STAG2: variants seen among roughly 807,000 people sequenced by gnomAD.
STAG2 encodes STAG2 cohesin complex component.
In STAG2, 14 loss-of-function variants were observed where a neutral mutation model predicts 108.1. That is an observed-to-expected ratio of 0.13 (90% CI 0.09 to 0.20). The LOEUF (loss-of-function observed/expected upper bound fraction) is 0.20, where lower values mean the gene tolerates loss of function less well. Among genes scored for constraint, STAG2 ranks in the 10% least tolerant of loss-of-function variants. The probability of loss-of-function intolerance (pLI) is 1.00; values close to 1 mark genes in which losing one functional copy is unlikely to be tolerated. For missense variants in STAG2, 440 were observed against 940.9 expected, an observed-to-expected ratio of 0.47 and a Z score of 6.96; for synonymous variants, 307 against 302.7, an observed-to-expected ratio of 1.01 and a Z score of -0.15.
intron 24 of STAG2, among the ~76,000 whole-genome samples, chrX:124,069,171 T>C (rs778891699): frequency 1.2e-4 from 14 of 112,014 alleles, no homozygotes; most frequent in Non-Finnish European, 2.1e-4. Flanking sequence ...ACTTCTAACC[T>C]TTTCAGTTCT....
At position 123,986,137 on chromosome X, in the gene STAG2, CAT is replaced by C. The variant is rs35631912; in HGVS notation, c.-163+24286_-163+24287del. 7.5e-3 allele frequency among the ~76,000 whole-genome samples: 779 copies of C among 103,804 alleles called. 7 individuals are homozygous for C. The highest frequency in any genetic ancestry group is 0.025 in the African/African-American group (725 of 28,625). 90.1% of individuals were successfully genotyped at this position (103,804 alleles called of 115,157 possible). On this transcript the variant is annotated intron_variant, in intron 1 of 34. Transcript: ENST00000371145. The stretch of plus-strand genomic sequence containing the variant: ...TGTATCTATATATACATATATGTAT[CAT>C]ATATGTATATATGATATATATGATA...
rs2148180933 is a variant in STAG2, at chrX:124,045,337, C to G, written c.636C>G (p.Val212=). The change falls in exon 8 of 35, where the codon GTC becomes GTG. Residue 212 remains valine (V), a synonymous_variant. Transcript: ENST00000371145. ...TTACAGGATTGTCTGACTCACAAGT[C>G]AGAGCATTTCGACATACAAGCACCC... ...SLLTGLSDSQ[V]RAFRHTSTLA... The G allele has an allele frequency of 8.3e-7, 1 of 1,208,804 alleles. No individual in the cohort carries two copies. Among genetic ancestry groups the G allele is most frequent in the Middle Eastern group, 2.5e-4 (1 of 4,000 alleles).
chrX:124,091,534 C>T lies in STAG2; in HGVS notation c.3578+570C>T, dbSNP rs915818128. On this transcript the variant is annotated intron_variant, in intron 32 of 34. Coordinates refer to ENST00000371145, the MANE Select transcript of STAG2 (RefSeq NM_001042750.2). ...CATGCAAGATGTTTCAAAATATGGC[C>T]CCTGCCACGTTTTAGTATCATTTCC... is the stretch of plus-strand genomic sequence containing the variant. 7.1e-5 allele frequency among the ~76,000 whole-genome samples: 8 copies of T among 112,423 alleles called. No homozygotes were observed. In the East Asian group the frequency reaches 2.2e-3, roughly 31 times the overall value.
chrX:124,056,228 T>C lies in STAG2; in HGVS notation c.1297T>C (p.Tyr433His), dbSNP rs1288649524. ...PVAVAAGEFLYKKLFSRRDPE... is the reference protein window; with the variant it reads ...PVAVAAGEFLHKKLFSRRDPE... ...AGCAGTAGCAGCTGGAGAATTTCTC[T>C]ACAAAAAGTAAATCTATATATCTGT... Residue 433 changes from tyrosine (Y) to histidine (H), a missense_variant, in exon 14 of 35, where the codon TAC becomes CAC. Coordinates refer to ENST00000371145, the MANE Select transcript of STAG2 (RefSeq NM_001042750.2). 2.5e-6 allele frequency: 3 copies of C among 1,189,779 alleles called. No homozygotes were observed. Among genetic ancestry groups the C allele is most frequent in the Non-Finnish European group, 3.4e-6 (3 of 878,697 alleles).
upstream of STAG2, chrX:123,960,562 C>A (rs1360225849): frequency 1.1e-5 from 1 of 88,002 alleles, no homozygotes; most frequent in African/African-American, 4.5e-5. Context: ...GCCTCCAAGT[C>A]GCCGAAGAGC....
chrX:124,028,985 T>TTATATTTATATATA (rs2057224407), intron 4 of STAG2, among the ~76,000 whole-genome samples: 1 of 64,025 alleles, frequency 1.6e-5, no homozygotes, highest in African/African-American at 6.8e-5. Context: ...TTATTTTTAT[T>TTATATTTATATATA]TATATATATA....
chrX:124,004,727 G>A (rs798870), intron 1 of STAG2, among the ~76,000 whole-genome samples: 6,508 of 111,374 alleles, frequency 0.058, 476 homozygotes, highest in African/African-American at 0.2. Flanking sequence ...AAATGTTAAG[G>A]TTCTTTGCTT....
intron 1 of STAG2, among the ~76,000 whole-genome samples, chrX:123,970,313 A>G (rs2054301274): frequency 9.1e-6 from 1 of 110,313 alleles, no homozygotes. Flanking sequence ...ATTATAAATT[A>G]GTTTCTCCCC....
chrX:124,067,200 A>G (rs757226515), intron 23 of STAG2, among the ~76,000 whole-genome samples: 8 of 111,374 alleles, frequency 7.2e-5, no homozygotes, highest in Non-Finnish European at 1.5e-4. Flanking sequence ...AGATGTTGTT[A>G]TATCTACAAA....
rs2059230313 is a variant in STAG2, at chrX:124,090,436, C to G, written c.3278-139C>G. Reference sequence around the variant, plus strand: ...CTCTAAGGCCAGGTCAGGGACTGCCCCTTACATAGGTTTGTGTCCCCCGTT... The same window carrying G: ...CTCTAAGGCCAGGTCAGGGACTGCCGCTTACATAGGTTTGTGTCCCCCGTT... On this transcript the variant is annotated intron_variant, in intron 30 of 34. Coordinates refer to ENST00000371145, the MANE Select transcript of STAG2 (RefSeq NM_001042750.2). The G allele has an allele frequency of 2.8e-5, 14 of 506,709 alleles. No individual in the cohort carries two copies. In the South Asian group the frequency reaches 4.3e-4, roughly 16 times the overall value. The allele number at this position is 506,709 out of a possible 1,213,427, so 41.8% of individuals were successfully genotyped here. A position where few individuals can be genotyped will look rare whatever the true frequency, so the allele number is the denominator to read the frequency against.
intron 1 of STAG2, among the ~76,000 whole-genome samples, chrX:124,010,526 C>A (rs2147914819): frequency 9.0e-6 from 1 of 111,388 alleles, no homozygotes; most frequent in East Asian, 2.8e-4. Context: ...CATATCTGTT[C>A]TATTCCACTG....
At chrX:124,073,637 G>A (rs371353369) in intron 25 of STAG2, among the ~76,000 whole-genome samples, 12 of 111,570 alleles carry the variant, frequency 1.1e-4, no homozygotes, top group African/African-American at 3.9e-4. Flanking sequence ...AGCCCAGCGT[G>A]GTTTCAAACT....
intron 1 of STAG2, among the ~76,000 whole-genome samples, chrX:123,974,189 A>G (rs186299999): frequency 5.7e-4 from 63 of 111,192 alleles, no homozygotes; most frequent in Non-Finnish European, 5.5e-4. Context: ...GCAGTTGTTA[A>G]TAAACAAAGT....
intron 27 of STAG2, among the ~76,000 whole-genome samples, chrX:124,078,708 C>G (rs941836605): frequency 9.0e-6 from 1 of 110,889 alleles, no homozygotes; most frequent in Admixed American, 9.6e-5. Flanking sequence ...GTGGCTCATT[C>G]CTGTAATCCC....
chrX:124,013,650 C>T (rs746356062), intron 1 of STAG2, among the ~76,000 whole-genome samples: 1 of 111,346 alleles, frequency 9.0e-6, no homozygotes, highest in East Asian at 2.8e-4. Flanking sequence ...TATCCAGTGT[C>T]TAGCAGCAGC....
At chrX:123,991,096 C>G (rs1202226451) in intron 1 of STAG2, among the ~76,000 whole-genome samples, 1 of 111,918 alleles carries the variant, frequency 8.9e-6, no homozygotes, top group East Asian at 2.8e-4. Context: ...ACTTTAAATT[C>G]ACTGGGGGGA....
At chrX:123,991,599 C>T (rs1003848498) in intron 1 of STAG2, among the ~76,000 whole-genome samples, 2 of 111,187 alleles carry the variant, frequency 1.8e-5, no homozygotes, top group African/African-American at 3.3e-5. Flanking sequence ...GTGATCTGCC[C>T]GCCTCTGCCT....
chrX:124,048,491 G>A (rs2057939936), intron 9 of STAG2, among the ~76,000 whole-genome samples: 1 of 111,660 alleles, frequency 9.0e-6, no homozygotes, highest in South Asian at 3.7e-4. Context: ...CTGGAGTACA[G>A]TGGCACTATC....
intron 13 of STAG2, among the ~76,000 whole-genome samples, chrX:124,054,184 T>C (rs1221895277): frequency 1.8e-5 from 2 of 112,422 alleles, no homozygotes; most frequent in African/African-American, 6.5e-5. Context: ...GCATTGTTTG[T>C]AATAGCAGAA....
Sources: allele counts gnomAD v4.1 joint callset (sites outside exome capture counted in the v4.1 genomes callset), GRCh38; gene constraint gnomAD v4.1.1; transcripts MANE v1.5; gene names NCBI Gene and HGNC (gene_info 2026-07-23, HGNC 2026-07-21).